The following CSMD3 variants were observed in gnomAD, a reference collection of about 807,000 sequenced individuals.
CSMD3 encodes the protein CUB and Sushi multiple domains 3.
CSMD3 carries 177 observed loss-of-function variants against 435.2 expected under a neutral mutation model. The observed-to-expected ratio is 0.41, with a 90% CI of 0.36 to 0.46. The LOEUF is 0.46. Ranked by LOEUF, CSMD3 falls within the 20% of genes least tolerant of loss-of-function variation. CSMD3 has a pLI of 0.34. For missense variants in CSMD3, 4,265 were observed against 4,504.6 expected (o/e 0.95, Z 1.52); for synonymous variants, 1,656 against 1,520.5 (o/e 1.09, Z -2.07).
chr8:112,275,534 C>A (rs371736111), intron 59 of CSMD3, among the ~76,000 whole-genome samples: 1 of 151,756 alleles, frequency 6.6e-6, no homozygotes, highest in East Asian at 1.9e-4. Context: ...GCAACAAGAG[C>A]GAAACTCCAT....
chr8:112,402,930 A>G (rs1169001354), intron 35 of CSMD3, among the ~76,000 whole-genome samples: 1 of 152,102 alleles, frequency 6.6e-6, no homozygotes, highest in Non-Finnish European at 1.5e-5. Context: ...TATGAAGTCA[A>G]TGTATTGTGT....
intron 10 of CSMD3, among the ~76,000 whole-genome samples, chr8:112,911,034 T>G (rs2082397146): frequency 6.6e-6 from 1 of 151,888 alleles, no homozygotes; most frequent in Non-Finnish European, 1.5e-5. Context: ...ATTTTAGTCT[T>G]TCACAGGCTC....
intron 22 of CSMD3, among the ~76,000 whole-genome samples, chr8:112,624,857 T>TGTGGGTTTTGACATCC: frequency 1.3e-5 from 2 of 151,984 alleles, no homozygotes; most frequent in Non-Finnish European, 2.9e-5. Context: ...CAAGCCAGAC[T>TGTGGGTTTTGACATCC]CACAAATGAG....
intron 5 of CSMD3, among the ~76,000 whole-genome samples, chr8:113,027,740 C>A (rs539257080): frequency 2.2e-4 from 33 of 152,024 alleles, no homozygotes; most frequent in African/African-American, 8.0e-4. Flanking sequence ...AACCACACAC[C>A]ATAAAACCCA....
chr8:113,067,060 C>T (rs2088890576), intron 5 of CSMD3, among the ~76,000 whole-genome samples: 1 of 152,006 alleles, frequency 6.6e-6, no homozygotes, highest in African/African-American at 2.4e-5. Flanking sequence ...TTTGAAATGA[C>T]AAGTGAAGAA....
chr8:112,752,925 G>GTGTA (rs1247971567), intron 13 of CSMD3, among the ~76,000 whole-genome samples: 1 of 151,474 alleles, frequency 6.6e-6, no homozygotes, highest in East Asian at 1.9e-4. Flanking sequence ...GTGTGTGTGT[G>GTGTA]TGTGTGTGTG....
At chr8:113,405,462 T>C (rs1329083423) in intron 1 of CSMD3, among the ~76,000 whole-genome samples, 1 of 151,692 alleles carries the variant, frequency 6.6e-6, no homozygotes, top group Non-Finnish European at 1.5e-5. Flanking sequence ...TCATTTTCAT[T>C]CATTGTAATA....
intron 61 of CSMD3, among the ~76,000 whole-genome samples, chr8:112,258,084 A>C (rs913156726): frequency 1.3e-5 from 2 of 152,212 alleles, no homozygotes; most frequent in African/African-American, 4.8e-5. Flanking sequence ...CCATACGCAG[A>C]AAACTGAAAC....
At chr8:112,738,857 A>G (rs1424784982) in intron 13 of CSMD3, among the ~76,000 whole-genome samples, 2 of 151,676 alleles carry the variant, frequency 1.3e-5, no homozygotes, top group African/African-American at 2.4e-5. Context: ...AGTTATTTTC[A>G]TTCACCACTT....
At chr8:113,253,130 AG>A (rs1362432610) in intron 3 of CSMD3, among the ~76,000 whole-genome samples, 1 of 152,124 alleles carries the variant, frequency 6.6e-6, no homozygotes, top group African/African-American at 2.4e-5. Context: ...TTCCCAAACC[AG>A]GACTGAGATT....
intron 1 of CSMD3, among the ~76,000 whole-genome samples, chr8:113,422,161 T>C (rs907597643): frequency 7.2e-5 from 11 of 152,180 alleles, no homozygotes; most frequent in African/African-American, 2.7e-4. Flanking sequence ...ACCATCTGGC[T>C]TTTCTTTGAG....
Position 112,517,160 on chromosome 8 carries a change from T to C in CSMD3, c.4630A>G (p.Arg1544Gly). 2 of 1,613,872 alleles carry C rather than the reference T, an allele frequency of 1.2e-6. No homozygotes were observed. The highest frequency in any genetic ancestry group is 1.1e-5 in the South Asian group (1 of 91,078). The change falls in exon 28 of 71, where the codon AGA becomes GGA. Residue 1544 changes from arginine to glycine, a missense_variant. This residue lies in a region of CSMD3 where 3,255 missense variants were observed against 3,380.2 expected (regional missense o/e 0.96). Transcript: ENST00000297405. ...AAAACAACAGTGTCCCCAGGTTCTC[T>C]TCCATCCCCATTTCGAGTCCCATTC... ...PMNGTRNGDG[R>G]EPGDTVVFQC...
intron 13 of CSMD3, among the ~76,000 whole-genome samples, chr8:112,787,023 G>C (rs887456731): frequency 3.9e-5 from 6 of 152,012 alleles, no homozygotes; most frequent in African/African-American, 1.4e-4. Context: ...TGAGAATAAT[G>C]GTTTCCAGCT....
intron 23 of CSMD3, among the ~76,000 whole-genome samples, chr8:112,584,752 G>A (rs1043999658): frequency 2.0e-5 from 3 of 151,038 alleles, no homozygotes; most frequent in Non-Finnish European, 4.4e-5. Context: ...CTCAGTCAAG[G>A]GGCAGCAGAT....
intron 5 of CSMD3, among the ~76,000 whole-genome samples, chr8:113,081,484 C>A (rs1408374372): frequency 6.6e-6 from 1 of 152,090 alleles, no homozygotes; most frequent in African/African-American, 2.4e-5. Context: ...ACAATATACA[C>A]CTGCAGTACT....
At chr8:113,085,281 C>A in intron 5 of CSMD3, among the ~76,000 whole-genome samples, 1 of 151,050 alleles carries the variant, frequency 6.6e-6, no homozygotes, top group African/African-American at 2.4e-5. Context: ...AAAAGGGGGG[C>A]AAAGATCTAA....
intron 1 of CSMD3, among the ~76,000 whole-genome samples, chr8:113,350,092 G>T (rs910261946): frequency 6.6e-6 from 1 of 151,818 alleles, no homozygotes; most frequent in Non-Finnish European, 1.5e-5. Flanking sequence ...CCCTAGAAAA[G>T]GTCCAGGTCA....
chr8:112,409,219 T>C (rs945237428), intron 32 of CSMD3, among the ~76,000 whole-genome samples, 187 bp from the exon 33 acceptor site: 1 of 152,040 alleles, frequency 6.6e-6, no homozygotes, highest in African/African-American at 2.4e-5. Flanking sequence ...CTTCAGGTCA[T>C]AAAAGAAGTG....
Position 112,783,271 on chromosome 8 carries a change from C to A in CSMD3, c.1972+16891G>T, listed in dbSNP as rs750568485. On this transcript the variant is annotated intron_variant, in intron 13 of 70. Transcript: ENST00000297405. ...ATAAGTGCTGTTAATAGTTTAAAAT[C>A]ATGGGCTATAAGATATTATTTCCAC... is the stretch of plus-strand genomic sequence containing the variant. 6.6e-5 allele frequency among the ~76,000 whole-genome samples: 10 copies of A among 151,620 alleles called. No homozygotes were observed. In the East Asian group the frequency reaches 7.8e-4, roughly 12 times the overall value.
Sources: allele counts gnomAD v4.1 joint callset (sites outside exome capture counted in the v4.1 genomes callset), GRCh38; gene constraint gnomAD v4.1.1; regional missense constraint gnomAD v4.1.1; transcripts MANE v1.5; gene names NCBI Gene and HGNC (gene_info 2026-07-23, HGNC 2026-07-21).